The following ZNF521 variants were observed in gnomAD, a reference collection of about 807,000 sequenced individuals.
ZNF521 encodes zinc finger protein 521.
In ZNF521, 14 loss-of-function variants were observed where a neutral mutation model predicts 105.5. The observed-to-expected ratio is 0.13, with a 90% CI of 0.09 to 0.21. ZNF521 has a LOEUF of 0.21. Among genes scored for constraint, ZNF521 ranks in the 10% least tolerant of loss-of-function variants. The pLI is 1.00. For synonymous variants in ZNF521, 635 were observed against 606.0 expected, an observed-to-expected ratio of 1.05 and a Z score of -0.70; for missense variants, 1,233 against 1,629.7, an observed-to-expected ratio of 0.76 and a Z score of 4.19.
intron 1 of ZNF521, 74 bp from the exon 2 acceptor site, chr18:25,351,021 T>G (rs1914728555): frequency 1.0e-5 from 13 of 1,241,972 alleles, no homozygotes; most frequent in Non-Finnish European, 8.4e-6. Context: ...CGCGCGCCCC[T>G]CGGGCCGCGG....
At chr18:25,348,514 T>C (rs777137380) in intron 2 of ZNF521, among the ~76,000 whole-genome samples, 11 of 152,340 alleles carry the variant, frequency 7.2e-5, no homozygotes, top group African/African-American at 2.6e-4. Context: ...ACTATTTTTA[T>C]TCCTGTCTTC....
chr18:25,150,878 T>C (rs2035033654), intron 5 of ZNF521, among the ~76,000 whole-genome samples: 1 of 140,404 alleles, frequency 7.1e-6, no homozygotes, highest in Non-Finnish European at 1.6e-5. Context: ...CCAGCTCTTT[T>C]TTTTTCTTTT....
intron 5 of ZNF521, among the ~76,000 whole-genome samples, chr18:25,181,928 C>T (rs76813037): frequency 0.015 from 2,301 of 152,312 alleles, 67 homozygotes; most frequent in African/African-American, 0.053. Flanking sequence ...AAATGAATCC[C>T]TTTGCTCCAT....
intron 3 of ZNF521, among the ~76,000 whole-genome samples, chr18:25,233,232 TA>T (rs140916176): frequency 6.6e-6 from 1 of 151,262 alleles, no homozygotes; most frequent in Admixed American, 6.6e-5. Flanking sequence ...AAGGTCATGC[TA>T]AAAAAAAACT....
chr18:25,175,567 TCA>T (rs2035523088), intron 5 of ZNF521, among the ~76,000 whole-genome samples: 1 of 152,218 alleles, frequency 6.6e-6, no homozygotes, highest in East Asian at 1.9e-4. Flanking sequence ...TTAATGAGCC[TCA>T]GTTATTTTGA....
rs953693196 is a variant in ZNF521 at position 25,213,379 on chromosome 18, T to C, written c.3573+10966A>G. Among the ~76,000 whole-genome samples, 3 of 151,606 alleles carry C rather than the reference T, an allele frequency of 2.0e-5. No individual in the cohort carries two copies. In the South Asian group the frequency reaches 6.2e-4, roughly 31 times the overall value. ...GATCATGAAAATATGTTAAATACAG[T>C]TTTTCCATTGACTTTTGAGATAAAA... On this transcript the variant is annotated intron_variant, in intron 4 of 7. Transcript: ENST00000361524.
chr18:25,110,872 C>T lies in ZNF521; in HGVS notation c.3659-18791G>A, dbSNP rs532088471. Among the ~76,000 whole-genome samples the T allele has an allele frequency of 2.6e-5, 4 of 151,978 alleles. 1 individual carries two copies. On this transcript the variant is annotated intron_variant, in intron 5 of 7. Transcript: ENST00000361524. The stretch of plus-strand genomic sequence containing the variant: ...CCACCTCCCAGGTTCAAGTGATTCT[C>T]CTACCTCAGCCTACAGAGTAGCTGG...
chr18:25,124,462 TA>T (rs2034501476), intron 5 of ZNF521, among the ~76,000 whole-genome samples: 1 of 152,208 alleles, frequency 6.6e-6, no homozygotes, highest in African/African-American at 2.4e-5. Flanking sequence ...GGTGAAATGA[TA>T]AAAGTTGAAG....
intron 2 of ZNF521, among the ~76,000 whole-genome samples, chr18:25,323,923 T>TA (rs574157590): frequency 3.6e-4 from 52 of 143,722 alleles, no homozygotes; most frequent in Middle Eastern, 3.5e-3. Context: ...CTTGGGTTCT[T>TA]AAAAAAAAAA....
intron 3 of ZNF521, among the ~76,000 whole-genome samples, chr18:25,321,553 C>A (rs1912934657): frequency 6.6e-6 from 1 of 152,070 alleles, no homozygotes; most frequent in Non-Finnish European, 1.5e-5. Context: ...CTGTGGTGCT[C>A]AAGGATAAGT....
At chr18:25,126,275 CT>C (rs2034537293) in intron 5 of ZNF521, among the ~76,000 whole-genome samples, 1 of 152,214 alleles carries the variant, frequency 6.6e-6, no homozygotes, top group South Asian at 2.1e-4. Flanking sequence ...CAGCATCTAA[CT>C]TTTTAAGTTG....
At chr18:25,182,928 A>T (rs2035657677) in intron 5 of ZNF521, among the ~76,000 whole-genome samples, 1 of 152,210 alleles carries the variant, frequency 6.6e-6, no homozygotes, top group Admixed American at 6.5e-5. Flanking sequence ...TACCAACGTG[A>T]TGACAGTAAT....
At chr18:25,199,971 T>TA (rs937512061) in intron 4 of ZNF521, among the ~76,000 whole-genome samples, 27 of 149,560 alleles carry the variant, frequency 1.8e-4, no homozygotes, top group East Asian at 7.8e-4. Flanking sequence ...AACTTGTATG[T>TA]AAAAAAAAAA....
chr18:25,102,783 C>T (rs933439250), intron 5 of ZNF521, among the ~76,000 whole-genome samples: 10 of 152,112 alleles, frequency 6.6e-5, no homozygotes, highest in Admixed American at 5.2e-4. Context: ...TACTGTCCCA[C>T]CAACCTTCAC....
intron 3 of ZNF521, among the ~76,000 whole-genome samples, chr18:25,281,255 T>C (rs972354250): frequency 6.6e-6 from 1 of 152,178 alleles, no homozygotes; most frequent in Non-Finnish European, 1.5e-5. Flanking sequence ...CAAACACACG[T>C]GAGGAAATTA....
intron 7 of ZNF521, among the ~76,000 whole-genome samples, chr18:25,065,760 TTA>T (rs1282710752): frequency 6.6e-6 from 1 of 152,204 alleles, no homozygotes; most frequent in African/African-American, 2.4e-5. Flanking sequence ...CCTGGTGTTT[TTA>T]TATGTGCTCA....
At chr18:25,131,355 C>T (rs547396829) in intron 5 of ZNF521, among the ~76,000 whole-genome samples, 2 of 152,264 alleles carry the variant, frequency 1.3e-5, no homozygotes, top group East Asian at 3.9e-4. Flanking sequence ...ATTCATCCCA[C>T]GTACAATTTT....
intron 3 of ZNF521, among the ~76,000 whole-genome samples, chr18:25,312,606 A>T (rs1193616052): frequency 2.4e-5 from 1 of 41,510 alleles, no homozygotes; most frequent in Admixed American, 2.6e-4. Context: ...AGGTCAGGAG[A>T]TCGAGACCAT....
chr18:25,139,075 G>A (rs2034792891), intron 5 of ZNF521, among the ~76,000 whole-genome samples: 1 of 152,078 alleles, frequency 6.6e-6, no homozygotes, highest in African/African-American at 2.4e-5. Flanking sequence ...CACCAAGTTA[G>A]TAATGCAAAA....
Sources: allele counts gnomAD v4.1 joint callset (sites outside exome capture counted in the v4.1 genomes callset), GRCh38; gene constraint gnomAD v4.1.1; transcripts MANE v1.5; gene names NCBI Gene and HGNC (gene_info 2026-07-23, HGNC 2026-07-21).